The following AP2B1 variants were observed in gnomAD, a reference collection of about 807,000 sequenced individuals.
AP2B1 encodes AP-2 complex subunit beta.
Under a neutral mutation model 102.0 loss-of-function variants are expected in AP2B1, and 23 were observed. That is an observed-to-expected ratio of 0.23 (90% confidence interval 0.16 to 0.32). The LOEUF is 0.32. Ranked by LOEUF, AP2B1 falls within the 10% of genes least tolerant of loss-of-function variation. The pLI is 1.00. For missense variants in AP2B1, 541 were observed against 1,157.4 expected (o/e 0.47, Z 7.73); for synonymous variants, 381 against 421.2 (o/e 0.90, Z 1.17).
intron 7 of AP2B1, 61 bp from the exon 8 acceptor site, chr17:35,627,324 C>T (rs1400344959): frequency 7.5e-7 from 1 of 1,336,704 alleles, no homozygotes; most frequent in Non-Finnish European, 9.8e-7. Context: ...TTAATACAGT[C>T]TCAGAAGGGT....
chr17:35,672,891 T>C (rs1387225322), intron 16 of AP2B1, among the ~76,000 whole-genome samples: 1 of 152,224 alleles, frequency 6.6e-6, no homozygotes, highest in Non-Finnish European at 1.5e-5. Flanking sequence ...TTAACTTTCT[T>C]GTGTGTCCTT....
chr17:35,717,406 T>C, intron 21 of AP2B1, 57 bp downstream of exon 21: 1 of 1,594,514 alleles, frequency 6.3e-7, no homozygotes. Flanking sequence ...GAGAGCCCTT[T>C]CATGTTTACT....
intron 12 of AP2B1, among the ~76,000 whole-genome samples, chr17:35,647,782 G>A (rs2074975738): frequency 6.6e-6 from 1 of 152,092 alleles, no homozygotes; most frequent in Admixed American, 6.5e-5. Context: ...GCTAAATCGT[G>A]AATCAATTCA....
intron 13 of AP2B1, among the ~76,000 whole-genome samples, chr17:35,657,066 G>T (rs1408909081): frequency 1.3e-5 from 2 of 152,036 alleles, no homozygotes; most frequent in Non-Finnish European, 2.9e-5. Context: ...CTCTTTGGAG[G>T]TTTCTCTCTG....
At chr17:35,709,906 T>C (rs1323280975) in intron 19 of AP2B1, among the ~76,000 whole-genome samples, 3 of 152,218 alleles carry the variant, frequency 2.0e-5, no homozygotes, top group Admixed American at 6.5e-5. Flanking sequence ...ATTCTTACAA[T>C]AGCTCTTGGA....
intron 14 of AP2B1, among the ~76,000 whole-genome samples, chr17:35,668,709 C>T (rs2075523636): frequency 6.6e-6 from 1 of 152,150 alleles, no homozygotes; most frequent in African/African-American, 2.4e-5. Context: ...TTCATTCTTC[C>T]ATGCTTTCTT....
chr17:35,712,382 A>G (rs2076469004), intron 20 of AP2B1, among the ~76,000 whole-genome samples: 2 of 152,218 alleles, frequency 1.3e-5, no homozygotes. Context: ...TAATCCCAGC[A>G]CTTTGGGAGG....
intron 17 of AP2B1, among the ~76,000 whole-genome samples, chr17:35,676,493 C>T (rs1440010509): frequency 6.6e-6 from 1 of 152,100 alleles, no homozygotes; most frequent in South Asian, 2.1e-4. Context: ...GATGAATATA[C>T]AGTTTGTTGA....
intron 1 of AP2B1, among the ~76,000 whole-genome samples, chr17:35,589,148 A>C (rs1597943839): frequency 1.3e-5 from 2 of 152,252 alleles, no homozygotes; most frequent in South Asian, 4.1e-4. Flanking sequence ...TAGAAATCAC[A>C]GGTGATTTTA....
At chr17:35,607,972 GC>G in intron 4 of AP2B1, 169 bp from the exon 5 acceptor site, 1 of 738,018 alleles carries the variant, frequency 1.4e-6, no homozygotes, top group Non-Finnish European at 2.2e-6. Flanking sequence ...CTTAAATAGG[GC>G]AGCTAAGATT....
intron 13 of AP2B1, 24 bp from the exon 14 acceptor site, chr17:35,657,575 C>A: frequency 6.3e-7 from 1 of 1,586,358 alleles, no homozygotes; most frequent in Non-Finnish European, 8.6e-7. Flanking sequence ...CTCTTTTCTC[C>A]ATTTTATGTG....
At chr17:35,604,175 G>T (rs141438974) in intron 3 of AP2B1, among the ~76,000 whole-genome samples, 1 of 151,814 alleles carries the variant, frequency 6.6e-6, no homozygotes, top group Non-Finnish European at 1.5e-5. Context: ...TGGCATGTTC[G>T]TGGCTCACTG....
intron 17 of AP2B1, 55 bp downstream of exon 17, chr17:35,674,376 A>AACAAGAG: frequency 6.3e-7 from 1 of 1,592,452 alleles, no homozygotes; most frequent in South Asian, 1.1e-5. Context: ...CCTTAGAACC[A>AACAAGAG]ACAAGAGAAC....
chr17:35,619,926 A>C (rs2074127020), intron 5 of AP2B1, among the ~76,000 whole-genome samples: 2 of 152,082 alleles, frequency 1.3e-5, no homozygotes, highest in Admixed American at 1.3e-4. Context: ...CTGGGATTAC[A>C]GGTATGCACC....
At chr17:35,703,144 C>T (rs906964506) in intron 18 of AP2B1, among the ~76,000 whole-genome samples, 1 of 151,704 alleles carries the variant, frequency 6.6e-6, no homozygotes, top group Admixed American at 6.6e-5. Flanking sequence ...TGGTGGCCAG[C>T]GCCTGTAGTC....
intron 17 of AP2B1, among the ~76,000 whole-genome samples, chr17:35,678,276 G>A (rs982455814): frequency 2.0e-5 from 3 of 151,902 alleles, no homozygotes; most frequent in Non-Finnish European, 4.4e-5. Flanking sequence ...TTTCTTTCTA[G>A]TGGCCTTTTT....
intron 14 of AP2B1, among the ~76,000 whole-genome samples, chr17:35,666,274 GAC>G (rs3837827): frequency 0.13 from 19,064 of 152,080 alleles, 1,236 homozygotes; most frequent in Middle Eastern, 0.16. Context: ...ATTGTGCAAT[GAC>G]ACATTATTGT....
Position 35,678,847 on chromosome 17 carries a change from T to C in AP2B1, c.2325-3848T>C, listed in dbSNP as rs2075755887. Reference sequence around the variant, plus strand: ...TTTATTATTTCTTTCCTGAGTTAGATTGGCTCCCTTTACCTTTTCCTGTTG... The same window carrying C: ...TTTATTATTTCTTTCCTGAGTTAGACTGGCTCCCTTTACCTTTTCCTGTTG... On this transcript the variant is annotated intron_variant, in intron 17 of 21. Coordinates refer to ENST00000610402, the MANE Select transcript of AP2B1 (RefSeq NM_001030006.2). 2.0e-5 allele frequency among the ~76,000 whole-genome samples: 3 copies of C among 152,196 alleles called. No homozygotes were observed. In the South Asian group the frequency reaches 6.2e-4, roughly 32 times the overall value.
intron 11 of AP2B1, among the ~76,000 whole-genome samples, chr17:35,640,254 T>TG (rs2074740598): frequency 6.8e-6 from 1 of 147,678 alleles, no homozygotes. Context: ...TTTTTTTTTT[T>TG]TGAGACAGTT....
Sources: gnomAD v4.1 joint callset for allele counts (sites outside exome capture counted in the v4.1 genomes callset) on GRCh38, gnomAD v4.1.1 for gene constraint, MANE v1.5 for transcripts, NCBI Gene and HGNC (gene_info 2026-07-23, HGNC 2026-07-21) for gene names.